THSD4: variants seen among roughly 807,000 people sequenced by gnomAD.
The protein encoded by THSD4 is thrombospondin type 1 domain containing 4.
Under a neutral mutation model 119.0 loss-of-function variants are expected in THSD4, and 69 were observed. That is an observed-to-expected ratio of 0.58 (90% CI 0.48 to 0.71). The LOEUF (loss-of-function observed/expected upper bound fraction) is 0.71. Among genes scored for constraint, THSD4 ranks in the 30% least tolerant of loss-of-function variants. The pLI, the probability that THSD4 is intolerant of heterozygous loss-of-function variation, is 0.00. For missense variants in THSD4, 1,393 were observed against 1,391.1 expected, an observed-to-expected ratio of 1.00 and a Z score of -0.02; for synonymous variants, 524 against 540.4, an observed-to-expected ratio of 0.97 and a Z score of 0.42.
intron 7 of THSD4, among the ~76,000 whole-genome samples, chr15:71,612,046 T>TG (rs1012677403): frequency 6.6e-6 from 1 of 152,158 alleles, no homozygotes; most frequent in African/African-American, 2.4e-5. Context: ...CTAAGACTTG[T>TG]GGGGTCCCAG....
intron 6 of THSD4, among the ~76,000 whole-genome samples, chr15:71,315,851 A>T (rs917484240): frequency 1.3e-5 from 2 of 152,166 alleles, no homozygotes; most frequent in Non-Finnish European, 2.9e-5. Flanking sequence ...AATATATCAG[A>T]TTGTATTTCA....
At chr15:71,741,998 C>T (rs754040840) in intron 11 of THSD4, among the ~76,000 whole-genome samples, 6 of 152,154 alleles carry the variant, frequency 3.9e-5, no homozygotes, top group Admixed American at 6.5e-5. Flanking sequence ...TGAGGCAATG[C>T]GGAGGCACAG....
rs375081607 is a variant in THSD4 at position 71,326,673 on chromosome 15, CAAAAAAAAAAAAA to C, written c.1015+69974_1015+69986del. Among the ~76,000 whole-genome samples, 19 of 12,942 alleles carry C rather than the reference CAAAAAAAAAAAAA, an allele frequency of 1.5e-3. 1 individual carries two copies. Among genetic ancestry groups the C allele is most frequent in the Admixed American group, 7.1e-3 (3 of 420 alleles). 8.5% of individuals were successfully genotyped at this position (12,942 alleles called of 152,430 possible). On this transcript the variant is annotated intron_variant, in intron 6 of 17. Transcript: ENST00000261862. ...TGGGCAACAGAGCAAGATTCCATCT[CAAAAAAAAAAAAA>C]AAAAAAAAAAAAAAATATATATATA...
At chr15:71,108,987 G>A (rs1473054730) in intron 1 of THSD4, among the ~76,000 whole-genome samples, 2 of 152,130 alleles carry the variant, frequency 1.3e-5, no homozygotes, top group African/African-American at 2.4e-5. Context: ...GTGAGACTCC[G>A]TCTCAAACAA....
At chr15:71,206,490 T>C (rs1189456964) in intron 3 of THSD4, among the ~76,000 whole-genome samples, 2 of 152,242 alleles carry the variant, frequency 1.3e-5, no homozygotes, top group Admixed American at 6.5e-5. Context: ...CTTTAGAGTG[T>C]TGACTTGGTT....
intron 8 of THSD4, among the ~76,000 whole-genome samples, chr15:71,711,946 C>A (rs1595882957): frequency 6.6e-6 from 1 of 152,184 alleles, no homozygotes; most frequent in East Asian, 1.9e-4. Context: ...AGACAGATCC[C>A]CAACAATGCT....
At chr15:71,280,011 C>T (rs80019083) in intron 6 of THSD4, among the ~76,000 whole-genome samples, 5,171 of 152,248 alleles carry the variant, frequency 0.034, 139 homozygotes, top group Non-Finnish European at 0.051. Context: ...GTGTAAAGCA[C>T]GTGTATCAGT....
intron 3 of THSD4, among the ~76,000 whole-genome samples, chr15:71,210,565 C>T (rs1313733820): frequency 6.6e-6 from 1 of 151,986 alleles, no homozygotes; most frequent in African/African-American, 2.4e-5. Flanking sequence ...TGTTAGTTGC[C>T]AAGGTCAGAA....
intron 1 of THSD4, among the ~76,000 whole-genome samples, chr15:71,141,228 G>A (rs1274999208): frequency 6.6e-6 from 1 of 152,216 alleles, no homozygotes; most frequent in Non-Finnish European, 1.5e-5. Context: ...GTAATTTACT[G>A]AACATCTTCT....
chr15:71,235,430 C>T (rs10438364), intron 4 of THSD4, among the ~76,000 whole-genome samples: 2,315 of 152,180 alleles, frequency 0.015, 55 homozygotes, highest in African/African-American at 0.054. Flanking sequence ...GAATCTAGTA[C>T]GGGGACTTAG....
At chr15:71,706,798 G>A (rs985680113) in intron 8 of THSD4, among the ~76,000 whole-genome samples, 1 of 152,212 alleles carries the variant, frequency 6.6e-6, no homozygotes, top group African/African-American at 2.4e-5. Flanking sequence ...TTGCAGGTGC[G>A]AGGCAGCCAG....
At chr15:71,297,370 CTG>C (rs1292142014) in intron 6 of THSD4, among the ~76,000 whole-genome samples, 2 of 145,676 alleles carry the variant, frequency 1.4e-5, no homozygotes, top group African/African-American at 5.1e-5. Context: ...GAATCTCGCT[CTG>C]TAACCCAGAC....
chr15:71,479,180 C>CTTTTTTT (rs5813637), intron 7 of THSD4, among the ~76,000 whole-genome samples: 9 of 80,134 alleles, frequency 1.1e-4, no homozygotes, highest in South Asian at 6.0e-4. Context: ...TTTCTTCTGC[C>CTTTTTTT]TTTTTTTTTT....
At chr15:71,518,668 C>G (rs2048395229) in intron 7 of THSD4, among the ~76,000 whole-genome samples, 1 of 152,140 alleles carries the variant, frequency 6.6e-6, no homozygotes, top group African/African-American at 2.4e-5. Context: ...AGGTGACTCT[C>G]CCCCACCACC....
intron 7 of THSD4, among the ~76,000 whole-genome samples, chr15:71,505,697 G>C (rs192790717): frequency 6.6e-6 from 1 of 152,286 alleles, no homozygotes; most frequent in Admixed American, 6.5e-5. Context: ...CTTCAAATAG[G>C]TAAGGCAAAT....
intron 3 of THSD4, among the ~76,000 whole-genome samples, chr15:71,161,459 T>G (rs1363443514): frequency 2.6e-5 from 4 of 152,106 alleles, no homozygotes; most frequent in Non-Finnish European, 4.4e-5. Context: ...TTTATAATGA[T>G]TATATCCTCT....
At chr15:71,333,302 T>TG (rs1387887554) in intron 6 of THSD4, among the ~76,000 whole-genome samples, 1 of 152,028 alleles carries the variant, frequency 6.6e-6, no homozygotes, top group Non-Finnish European at 1.5e-5. Flanking sequence ...CAGGCATTTA[T>TG]GGGGGAAGTG....
intron 6 of THSD4, among the ~76,000 whole-genome samples, chr15:71,386,624 T>G (rs7167951): frequency 0.23 from 34,977 of 152,188 alleles, 4,914 homozygotes; most frequent in Middle Eastern, 0.4. Flanking sequence ...CATTTAAATT[T>G]CCAGCAGATG....
Position 71,737,958 on chromosome 15 carries a change from C to A in THSD4, c.1857C>A (p.His619Gln). Residue 619 changes from histidine to glutamine, a missense_variant, in exon 11 of 18, where the codon CAC becomes CAA. Coordinates refer to ENST00000261862, the MANE Select transcript of THSD4 (RefSeq NM_024817.3). ...APQPPRRSRD[H>Q]NWKQLGTTEC... ...AGCCCCCACGGCGCAGCCGGGATCA[C>A]AACTGGAAGCAGCTTGGGACAACAG... 6.2e-7 allele frequency: 1 copy of A among 1,613,950 alleles called. No individual in the cohort carries two copies. The highest frequency in any genetic ancestry group is 8.5e-7 in the Non-Finnish European group (1 of 1,179,860).
Sources: allele counts gnomAD v4.1 joint callset (sites outside exome capture counted in the v4.1 genomes callset), GRCh38; gene constraint gnomAD v4.1.1; transcripts MANE v1.5; gene names NCBI Gene and HGNC (gene_info 2026-07-23, HGNC 2026-07-21).